The following SNX18 variants were observed in gnomAD, a reference collection of about 807,000 sequenced individuals.
The protein encoded by SNX18 is sorting nexin 18.
In SNX18, 35 loss-of-function variants were observed where a neutral mutation model predicts 48.7. The ratio of observed to expected loss-of-function variants is 0.72; its 90% CI spans 0.55 to 0.95. The LOEUF (loss-of-function observed/expected upper bound fraction) is 0.95, where lower values mean the gene tolerates loss of function less well. SNX18 is among the 40% of genes least tolerant of loss of function. The pLI is 0.00. For missense variants in SNX18, 824 were observed against 871.0 expected (o/e 0.95, Z 0.68); for synonymous variants, 492 against 384.7 (o/e 1.28, Z -3.26).
the SNX18 span, among the ~76,000 whole-genome samples, chr5:54,616,598 T>A: frequency 6.6e-6 from 1 of 152,046 alleles, no homozygotes; most frequent in Admixed American, 6.6e-5. Context: ...TGAAACCCTG[T>A]GTCTACTAAA....
At chr5:54,599,625 T>C in the SNX18 span, among the ~76,000 whole-genome samples, 3 of 152,102 alleles carry the variant, frequency 2.0e-5, no homozygotes, top group South Asian at 6.2e-4. Context: ...ATGGTACTGG[T>C]ACAAAAACAG....
At chr5:54,570,525 A>G in the SNX18 span, among the ~76,000 whole-genome samples, 1 of 152,208 alleles carries the variant, frequency 6.6e-6, no homozygotes, top group South Asian at 2.1e-4. Context: ...TCAATCTTAA[A>G]TAGGCCTAAG....
At position 54,544,855 on chromosome 5, in the gene SNX18, C is replaced by T. The variant is rs1265727847; in HGVS notation, c.*1423C>T. 1 of 152,054 alleles carries T rather than the reference C, an allele frequency of 6.6e-6. No individual in the cohort carries two copies. The highest frequency in any genetic ancestry group is 1.9e-4 in the East Asian group (1 of 5,194). 9.4% of individuals were successfully genotyped at this position (152,054 alleles called of 1,614,324 possible). ...TTGAGTTTACAGATTTAAAAATTGTCACTGTTAGAGTATCTACTGTTTTTA... is the reference window on the plus strand; with the variant it reads ...TTGAGTTTACAGATTTAAAAATTGTTACTGTTAGAGTATCTACTGTTTTTA... On this transcript the variant is annotated 3_prime_UTR_variant, in exon 2 of 2. Transcript: ENST00000381410.
At chr5:54,595,477 C>T in the SNX18 span, among the ~76,000 whole-genome samples, 1 of 152,168 alleles carries the variant, frequency 6.6e-6, no homozygotes, top group Non-Finnish European at 1.5e-5. Context: ...CCTCATGATC[C>T]ACCCGCCTCA....
chr5:54,573,504 T>C, the SNX18 span, among the ~76,000 whole-genome samples: 1 of 152,176 alleles, frequency 6.6e-6, no homozygotes, highest in Non-Finnish European at 1.5e-5. Context: ...CAGTTTGCTT[T>C]TTCCTGGGGC....
the SNX18 span, among the ~76,000 whole-genome samples, chr5:54,579,268 A>T: frequency 1.3e-5 from 2 of 151,966 alleles, no homozygotes; most frequent in African/African-American, 4.8e-5. Flanking sequence ...GCTTGAGCCT[A>T]GGAGGTCAAG....
chr5:54,642,933 T>C, the SNX18 span, among the ~76,000 whole-genome samples: 1 of 152,186 alleles, frequency 6.6e-6, no homozygotes, highest in Non-Finnish European at 1.5e-5. Flanking sequence ...TGAACAAACA[T>C]GCATGTAACA....
chr5:54,541,554 G>T (rs1394749777), intron 1 of SNX18, among the ~76,000 whole-genome samples: 1 of 152,040 alleles, frequency 6.6e-6, no homozygotes, highest in Non-Finnish European at 1.5e-5. Context: ...ACTGGGACAG[G>T]GGTCTTCCTC....
the SNX18 span, among the ~76,000 whole-genome samples, chr5:54,604,315 T>C: frequency 6.6e-6 from 1 of 152,226 alleles, no homozygotes; most frequent in African/African-American, 2.4e-5. Flanking sequence ...TTTTGGGCAC[T>C]GGCGTTCATA....
the SNX18 span, among the ~76,000 whole-genome samples, chr5:54,554,542 C>T: frequency 6.6e-6 from 1 of 152,114 alleles, no homozygotes; most frequent in African/African-American, 2.4e-5. Flanking sequence ...AACATGAAAA[C>T]GTTCATTATA....
chr5:54,519,257 C>T lies in SNX18; in HGVS notation c.1305C>T (p.Thr435=), dbSNP rs781274306. 6.2e-7 allele frequency: 1 copy of T among 1,614,118 alleles called. No individual in the cohort carries two copies. Among genetic ancestry groups the T allele is most frequent in the South Asian group, 1.1e-5 (1 of 91,084 alleles). Residue 435 remains threonine (T), a synonymous_variant, in exon 1 of 2, where the codon ACC becomes ACT. Coordinates refer to ENST00000381410, the MANE Select transcript of SNX18 (RefSeq NM_001102575.2). ...ESKIDGFKCF[T]KKMDDSALQL... The stretch of plus-strand genomic sequence containing the variant: ...AGATCGACGGCTTCAAGTGCTTCAC[C>T]AAGAAGATGGACGACAGCGCGCTGC...
chr5:54,563,094 A>G, the SNX18 span, among the ~76,000 whole-genome samples: 5 of 152,240 alleles, frequency 3.3e-5, no homozygotes, highest in Non-Finnish European at 7.3e-5. Flanking sequence ...GCTTAGTCTT[A>G]TTACAAGATT....
chr5:54,642,744 C>G, the SNX18 span, among the ~76,000 whole-genome samples: 6 of 152,166 alleles, frequency 3.9e-5, no homozygotes, highest in Non-Finnish European at 7.3e-5. Flanking sequence ...GGTTCTCACA[C>G]CAGGGCAGAA....
chr5:54,599,466 A>T, the SNX18 span, among the ~76,000 whole-genome samples: 1 of 152,146 alleles, frequency 6.6e-6, no homozygotes, highest in Non-Finnish European at 1.5e-5. Context: ...TTCTTCACAA[A>T]ATTAGAAAAA....
chr5:54,588,758 C>A, the SNX18 span, among the ~76,000 whole-genome samples: 2 of 152,108 alleles, frequency 1.3e-5, no homozygotes, highest in Non-Finnish European at 2.9e-5. Context: ...TTTTATCAGA[C>A]CAGCCACTGA....
chr5:54,594,083 T>G, the SNX18 span, among the ~76,000 whole-genome samples: 3 of 152,174 alleles, frequency 2.0e-5, no homozygotes, highest in Non-Finnish European at 4.4e-5. Flanking sequence ...GCAACCCTAC[T>G]CAGCATTACC....
chr5:54,532,943 C>T (rs1332411771), intron 1 of SNX18, among the ~76,000 whole-genome samples: 1 of 152,158 alleles, frequency 6.6e-6, no homozygotes, highest in African/African-American at 2.4e-5. Flanking sequence ...GAATGTCATT[C>T]TGCCTTTAGA....
At chr5:54,558,277 G>A in the SNX18 span, among the ~76,000 whole-genome samples, 2 of 152,274 alleles carry the variant, frequency 1.3e-5, no homozygotes, top group African/African-American at 4.8e-5. Flanking sequence ...CAATTACTTA[G>A]CTAGAATATA....
At chr5:54,572,726 TTGTG>T in the SNX18 span, among the ~76,000 whole-genome samples, 55 of 38,618 alleles carry the variant, frequency 1.4e-3, no homozygotes, top group Middle Eastern at 0.024. Flanking sequence ...CTCCTCCAAA[TTGTG>T]TGTGTGTGTG....
Sources: gnomAD v4.1 joint callset for allele counts (sites outside exome capture counted in the v4.1 genomes callset) on GRCh38, gnomAD v4.1.1 for gene constraint, MANE v1.5 for transcripts, NCBI Gene and HGNC (gene_info 2026-07-23, HGNC 2026-07-21) for gene names.